Variants in DPP10 observed in about 807,000 individuals in gnomAD.
DPP10 encodes the protein dipeptidyl peptidase like 10.
DPP10 carries 33 observed loss-of-function variants against 120.9 expected under a neutral mutation model. The observed-to-expected ratio is 0.27, with a 90% CI of 0.21 to 0.37. The LOEUF (loss-of-function observed/expected upper bound fraction) is 0.37. Ranked by LOEUF, DPP10 falls within the 10% of genes least tolerant of loss-of-function variation. DPP10 has a pLI of 1.00. For missense variants in DPP10, 816 were observed against 942.8 expected (o/e 0.87, Z 1.76); for synonymous variants, 337 against 326.1 (o/e 1.03, Z -0.36).
At chr2:115,118,059 T>C (rs189269206) in intron 1 of DPP10, among the ~76,000 whole-genome samples, 1 of 152,354 alleles carries the variant, frequency 6.6e-6, no homozygotes, top group East Asian at 1.9e-4. Context: ...CACCAAAACC[T>C]ATCCCTTCTC....
At chr2:115,389,938 C>T (rs980993564) in intron 3 of DPP10, among the ~76,000 whole-genome samples, 29 of 152,092 alleles carry the variant, frequency 1.9e-4, no homozygotes, top group Admixed American at 1.2e-3. Context: ...TGAGTTATTA[C>T]GTTAAGGCTC....
chr2:115,217,913 A>G (rs1322045066), intron 1 of DPP10, among the ~76,000 whole-genome samples: 1 of 152,112 alleles, frequency 6.6e-6, no homozygotes, highest in East Asian at 1.9e-4. Context: ...ACCCCAGTCT[A>G]GGCTTAGATG....
chr2:114,802,162 C>A (rs1316338567), intron 1 of DPP10, among the ~76,000 whole-genome samples: 1 of 151,974 alleles, frequency 6.6e-6, no homozygotes, highest in Non-Finnish European at 1.5e-5. Flanking sequence ...TATAAATTAT[C>A]TAGTGGCCAA....
At chr2:114,633,039 A>G (rs1171731344) in intron 1 of DPP10, among the ~76,000 whole-genome samples, 1 of 151,818 alleles carries the variant, frequency 6.6e-6, no homozygotes, top group African/African-American at 2.4e-5. Flanking sequence ...GGTTCTTTTC[A>G]TGGGCAATCA....
intron 1 of DPP10, among the ~76,000 whole-genome samples, chr2:115,216,460 G>GTATA (rs1292943014): frequency 3.9e-5 from 6 of 152,126 alleles, no homozygotes; most frequent in Non-Finnish European, 7.4e-5. Context: ...AAGTGTGTAT[G>GTATA]TATATATATG....
chr2:115,601,049 A>G (rs1281044914), intron 5 of DPP10, among the ~76,000 whole-genome samples: 1 of 149,432 alleles, frequency 6.7e-6, no homozygotes, highest in Non-Finnish European at 1.5e-5. Context: ...CCTGCTTATC[A>G]TCTTCAAGTC....
At chr2:115,495,150 G>T (rs538252553) in intron 3 of DPP10, among the ~76,000 whole-genome samples, 45 of 152,052 alleles carry the variant, frequency 3.0e-4, no homozygotes, top group Admixed American at 5.2e-4. Context: ...GGATTAAGGC[G>T]AAATATGAAT....
At chr2:114,824,610 G>GT (rs535502938) in intron 1 of DPP10, among the ~76,000 whole-genome samples, 4,357 of 147,232 alleles carry the variant, frequency 0.03, 175 homozygotes, top group African/African-American at 0.098. Flanking sequence ...TTCCATGTTA[G>GT]TTTTTTTTTT....
intron 5 of DPP10, among the ~76,000 whole-genome samples, chr2:115,582,956 C>T (rs969452984): frequency 1.3e-5 from 2 of 152,176 alleles, no homozygotes; most frequent in African/African-American, 4.8e-5. Flanking sequence ...ATTCTCTCTT[C>T]CCTATAATTA....
intron 7 of DPP10, among the ~76,000 whole-genome samples, chr2:115,717,393 A>AT (rs1157299830): frequency 6.6e-6 from 1 of 152,090 alleles, no homozygotes; most frequent in Non-Finnish European, 1.5e-5. Context: ...AAATAAATAA[A>AT]AAATAAATAA....
intron 1 of DPP10, among the ~76,000 whole-genome samples, chr2:114,451,501 T>G (rs1678272357): frequency 6.6e-6 from 1 of 152,058 alleles, no homozygotes; most frequent in Non-Finnish European, 1.5e-5. Flanking sequence ...GCCAGAACTC[T>G]ACATAGGAGT....
rs2088426004 is a variant in DPP10 at position 115,657,041 on chromosome 2, G to T, written c.442-32646G>T. ...ACAGTATTGTGCACTTTAAAATCAT[G>T]GTAGACATGATTTATTGTAGATTAT... On this transcript the variant is annotated intron_variant, in intron 5 of 25. Coordinates refer to ENST00000410059, the MANE Select transcript of DPP10 (RefSeq NM_020868.6). Among the ~76,000 whole-genome samples, 5 of 151,614 alleles carry T rather than the reference G, an allele frequency of 3.3e-5. No individual in the cohort carries two copies. In the South Asian group the frequency reaches 8.3e-4, roughly 25 times the overall value.
intron 5 of DPP10, 128 bp downstream of exon 5, chr2:115,526,100 A>C (rs2078121613): frequency 1.6e-6 from 1 of 621,176 alleles, no homozygotes; most frequent in Non-Finnish European, 2.7e-6. Flanking sequence ...GAGGACAGTA[A>C]TGACTACTTT....
chr2:115,546,919 A>G (rs948890242), intron 5 of DPP10, among the ~76,000 whole-genome samples: 3 of 152,154 alleles, frequency 2.0e-5, no homozygotes, highest in African/African-American at 4.8e-5. Flanking sequence ...TAAAAATGCA[A>G]TTTAATTCAA....
intron 5 of DPP10, among the ~76,000 whole-genome samples, chr2:115,660,655 C>CTTTTTTTTTTTTTTTTTTT: frequency 2.4e-4 from 6 of 25,314 alleles, no homozygotes; most frequent in South Asian, 3.6e-3. Context: ...CTCTGTCTGG[C>CTTTTTTTTTTTTTTTTTTT]TTTTTTTTTT....
chr2:115,101,177 T>C (rs538610374), intron 1 of DPP10, among the ~76,000 whole-genome samples: 3 of 152,244 alleles, frequency 2.0e-5, no homozygotes, highest in South Asian at 2.1e-4. Flanking sequence ...TTACACATCA[T>C]AGTTGTGCCC....
chr2:114,465,976 C>T (rs564266157), intron 1 of DPP10, among the ~76,000 whole-genome samples: 1 of 152,230 alleles, frequency 6.6e-6, no homozygotes, highest in African/African-American at 2.4e-5. Context: ...TGTTAACCAA[C>T]CTTTGGCTGT....
intron 3 of DPP10, among the ~76,000 whole-genome samples, chr2:115,399,981 C>T (rs973909281): frequency 2.0e-5 from 3 of 152,070 alleles, no homozygotes; most frequent in African/African-American, 4.8e-5. Flanking sequence ...ATGAAGCCTC[C>T]AATCATGATG....
chr2:115,512,416 C>T (rs952983767), intron 4 of DPP10, among the ~76,000 whole-genome samples: 7 of 152,034 alleles, frequency 4.6e-5, no homozygotes, highest in Non-Finnish European at 8.8e-5. Flanking sequence ...CAGATATGAG[C>T]CACTGCACCT....
Sources: allele counts gnomAD v4.1 joint callset (sites outside exome capture counted in the v4.1 genomes callset), GRCh38; gene constraint gnomAD v4.1.1; transcripts MANE v1.5; gene names NCBI Gene and HGNC (gene_info 2026-07-23, HGNC 2026-07-21).